ADARB2: variants seen among roughly 807,000 people sequenced by gnomAD.
The protein encoded by ADARB2 is inactive double-stranded RNA-specific editase B2.
In ADARB2, 25 loss-of-function variants were observed where a neutral mutation model predicts 62.2. That is an observed-to-expected ratio of 0.40 (90% CI 0.29 to 0.56). The LOEUF (loss-of-function observed/expected upper bound fraction) is 0.56, where lower values mean the gene tolerates loss of function less well. Among genes scored for constraint, ADARB2 ranks in the 20% least tolerant of loss-of-function variants. The pLI, the probability that ADARB2 is intolerant of heterozygous loss-of-function variation, is 0.43. For missense variants in ADARB2, 1,071 were observed against 1,077.4 expected, an observed-to-expected ratio of 0.99 and a Z score of 0.08; for synonymous variants, 572 against 500.8, an observed-to-expected ratio of 1.14 and a Z score of -1.90.
chr10:1,351,519 A>T (rs1353718317), intron 3 of ADARB2, among the ~76,000 whole-genome samples: 2 of 152,022 alleles, frequency 1.3e-5, no homozygotes, highest in Non-Finnish European at 2.9e-5. Flanking sequence ...GAGACACTTT[A>T]AATTATCTGC....
intron 2 of ADARB2, among the ~76,000 whole-genome samples, chr10:1,369,148 T>C (rs1343001513): frequency 6.6e-6 from 1 of 152,104 alleles, no homozygotes; most frequent in Non-Finnish European, 1.5e-5. Context: ...TGTGTTAGAC[T>C]CCCCTCCCCG....
intron 1 of ADARB2, among the ~76,000 whole-genome samples, chr10:1,676,626 G>A (rs7077866): frequency 0.86 from 131,276 of 152,082 alleles, 57,024 homozygotes; most frequent in South Asian, 0.93. Context: ...GGAGTAGCTG[G>A]GACTACAGGC....
rs575149218 is a variant in ADARB2 at position 1,444,603 on chromosome 10, T to C, written c.101-65443A>G. On this transcript the variant is annotated intron_variant, in intron 1 of 9. Coordinates refer to ENST00000381312, the MANE Select transcript of ADARB2 (RefSeq NM_018702.4). The stretch of plus-strand genomic sequence containing the variant: ...TCTATCTATTCACCATCTTTCTATC[T>C]ACCTCCATTCTCCCATCCATCTATT... Among the ~76,000 whole-genome samples, 11 of 147,690 alleles carry C rather than the reference T, an allele frequency of 7.4e-5. No homozygotes were observed. The East Asian group carries it at 2.3e-3, about 31-fold the overall frequency.
chr10:1,536,805 A>C (rs1832338602), intron 1 of ADARB2, among the ~76,000 whole-genome samples: 1 of 152,266 alleles, frequency 6.6e-6, no homozygotes, highest in South Asian at 2.1e-4. Flanking sequence ...TTATACAAAA[A>C]TTAACTTAAG....
intron 2 of ADARB2, among the ~76,000 whole-genome samples, chr10:1,369,543 C>A (rs777579454): frequency 2.0e-5 from 3 of 152,248 alleles, no homozygotes; most frequent in Non-Finnish European, 2.9e-5. Context: ...CTGTTACCCA[C>A]ACAAAAGGCA....
intron 1 of ADARB2, among the ~76,000 whole-genome samples, chr10:1,703,966 C>A (rs564029850): frequency 6.6e-6 from 1 of 152,172 alleles, no homozygotes; most frequent in Non-Finnish European, 1.5e-5. Flanking sequence ...CCTAGCAAGC[C>A]GTGATTGATT....
chr10:1,498,921 A>T (rs992881578), intron 1 of ADARB2, among the ~76,000 whole-genome samples: 6 of 152,014 alleles, frequency 3.9e-5, no homozygotes, highest in African/African-American at 1.4e-4. Flanking sequence ...CTCAACACTC[A>T]TTCATCATTC....
intron 4 of ADARB2, among the ~76,000 whole-genome samples, chr10:1,269,900 T>C (rs1237222145): frequency 5.3e-5 from 8 of 152,126 alleles, no homozygotes; most frequent in Non-Finnish European, 8.8e-5. Context: ...GCAGGTGTCA[T>C]CTGTGTCTGA....
rs1564257853 is a variant in ADARB2 at position 1,326,838 on chromosome 10, ACGGCCCAGCGC to A, written c.1077+36179_1077+36189del. ...CCTCCCCACGGCCCAGCGCCTCCCC[ACGGCCCAGCGC>A]CTCCCCACTGCCCAGCGCCTCCCCA... On this transcript the variant is annotated intron_variant, in intron 3 of 9. Coordinates refer to ENST00000381312, the MANE Select transcript of ADARB2 (RefSeq NM_018702.4). Among the ~76,000 whole-genome samples the A allele has an allele frequency of 2.4e-4, 19 of 79,648 alleles. 3 individuals carry two copies. The highest frequency in any genetic ancestry group is 8.0e-4 in the African/African-American group (19 of 23,816). 52.3% of individuals were successfully genotyped at this position (79,648 alleles called of 152,430 possible).
intron 1 of ADARB2, among the ~76,000 whole-genome samples, chr10:1,561,302 C>T (rs1401000324): frequency 1.3e-5 from 2 of 152,164 alleles, no homozygotes; most frequent in East Asian, 1.9e-4. Context: ...ATGTCATAGA[C>T]CCAGACAACT....
intron 6 of ADARB2, among the ~76,000 whole-genome samples, chr10:1,218,136 C>T (rs190631312): frequency 5.3e-4 from 80 of 152,296 alleles, no homozygotes; most frequent in African/African-American, 1.8e-3. Context: ...CTGCAACCTC[C>T]GCCTCCCAGG....
chr10:1,648,432 C>T (rs1834071763), intron 1 of ADARB2, among the ~76,000 whole-genome samples: 1 of 152,132 alleles, frequency 6.6e-6, no homozygotes, highest in African/African-American at 2.4e-5. Flanking sequence ...CGAGCTGGCT[C>T]AACTGCTTGT....
chr10:1,425,504 G>C (rs966892979), intron 1 of ADARB2, among the ~76,000 whole-genome samples: 8 of 152,172 alleles, frequency 5.3e-5, no homozygotes, highest in Admixed American at 4.6e-4. Flanking sequence ...ATGTGTTGCT[G>C]TCCAGGATTC....
intron 1 of ADARB2, among the ~76,000 whole-genome samples, chr10:1,635,493 G>T (rs1588332535): frequency 6.6e-6 from 1 of 152,174 alleles, no homozygotes; most frequent in Non-Finnish European, 1.5e-5. Flanking sequence ...AAACCCAACA[G>T]GTCCCCTTGA....
intron 3 of ADARB2, among the ~76,000 whole-genome samples, chr10:1,324,885 G>C (rs554536736): frequency 6.6e-6 from 1 of 152,168 alleles, no homozygotes; most frequent in Non-Finnish European, 1.5e-5. Flanking sequence ...CTGGGGAAAC[G>C]TGAGCGAGCC....
intron 1 of ADARB2, among the ~76,000 whole-genome samples, chr10:1,565,790 G>T (rs1832852310): frequency 6.6e-6 from 1 of 152,110 alleles, no homozygotes; most frequent in African/African-American, 2.4e-5. Flanking sequence ...TTTATCCGAA[G>T]AAGATTCCTG....
At chr10:1,581,045 G>T (rs1370546169) in intron 1 of ADARB2, among the ~76,000 whole-genome samples, 1 of 152,228 alleles carries the variant, frequency 6.6e-6, no homozygotes, top group Non-Finnish European at 1.5e-5. Flanking sequence ...GCAGGATTTT[G>T]TGTGGACATG....
intron 1 of ADARB2, among the ~76,000 whole-genome samples, chr10:1,578,829 C>T (rs1195248296): frequency 2.0e-5 from 3 of 152,142 alleles, no homozygotes; most frequent in Non-Finnish European, 4.4e-5. Flanking sequence ...ATACACACAC[C>T]TACAAACACC....
intron 1 of ADARB2, among the ~76,000 whole-genome samples, chr10:1,636,247 T>C (rs1209980719): frequency 2.6e-5 from 4 of 152,230 alleles, no homozygotes; most frequent in Admixed American, 2.6e-4. Flanking sequence ...CCAGGTGCAG[T>C]GGCTCACGCC....
Sources: gnomAD v4.1 joint callset for allele counts (sites outside exome capture counted in the v4.1 genomes callset) on GRCh38, gnomAD v4.1.1 for gene constraint, MANE v1.5 for transcripts, NCBI Gene and HGNC (gene_info 2026-07-23, HGNC 2026-07-21) for gene names.